The following MOB2 variants were observed in gnomAD, a reference collection of about 807,000 sequenced individuals.
MOB2 encodes the protein MOB2 Mps One Binder homolog.
A neutral mutation model predicts 27.4 loss-of-function variants in MOB2; 14 were observed. The ratio of observed to expected loss-of-function variants is 0.51; its 90% CI spans 0.34 to 0.80. The LOEUF is 0.80. Ranked by LOEUF, MOB2 falls within the 30% of genes least tolerant of loss-of-function variation. The pLI, the probability that MOB2 is intolerant of heterozygous loss-of-function variation, is 0.01. For synonymous variants in MOB2, 167 were observed against 151.8 expected (o/e 1.10, Z -0.74); for missense variants, 304 against 354.6 (o/e 0.86, Z 1.15).
At chr11:1,475,743 C>T (rs545164774) in intron 3 of MOB2, among the ~76,000 whole-genome samples, 4 of 152,228 alleles carry the variant, frequency 2.6e-5, no homozygotes, top group Non-Finnish European at 5.9e-5. Context: ...GTACTCAACA[C>T]GCACTGTGGC....
At chr11:1,480,646 C>T (rs1185295268) in intron 2 of MOB2, 79 bp downstream of exon 2, 24 of 1,556,898 alleles carry the variant, frequency 1.5e-5, no homozygotes, top group East Asian at 2.3e-5. Flanking sequence ...GAGCACCAGC[C>T]GTGGGGGTCC....
Position 1,469,913 on chromosome 11 carries a change from G to C in MOB2, c.*259C>G. The stretch of plus-strand genomic sequence containing the variant: ...CCACAGAAGAAAACTCAAAGCATCA[G>C]TCCCATGCGTGTCTGCTGAACGAGT... On this transcript the variant is annotated 3_prime_UTR_variant, in exon 5 of 5. Transcript: ENST00000329957. 1 of 808,890 alleles carries C rather than the reference G, an allele frequency of 1.2e-6. No individual in the cohort carries two copies. The allele number at this position is 808,890 out of a possible 1,614,324, so 50.1% of individuals were successfully genotyped here. A position where few individuals can be genotyped will look rare whatever the true frequency, so the allele number is the denominator to read the frequency against.
At position 1,469,694 on chromosome 11, in the gene MOB2, G is replaced by C. The variant is rs1026632842; in HGVS notation, c.*478C>G. The C allele has an allele frequency of 4.4e-6, 2 of 458,276 alleles. No individual in the cohort carries two copies. The highest frequency in any genetic ancestry group is 4.7e-5 in the Admixed American group (2 of 42,620). 28.4% of individuals were successfully genotyped at this position (458,276 alleles called of 1,614,324 possible). A position where few individuals can be genotyped will look rare whatever the true frequency, so the allele number is the denominator to read the frequency against. ...CTCCCCCACCTCTGAGCTGCCAACA[G>C]CCAAGACTCCTGGCGAGGCCGGGAG... On this transcript the variant is annotated 3_prime_UTR_variant, in exon 5 of 5. Coordinates refer to ENST00000329957, the MANE Select transcript of MOB2 (RefSeq NM_001172223.3).
chr11:1,480,373 T>C lies in MOB2; in HGVS notation c.365+20A>G, dbSNP rs1031136185. Reference sequence around the variant, plus strand: ...CCGAGTCTCCCAAGAGAAAGTGGGCTGTAGCCAGGCAGCACTCACGTGTTG... The same window carrying C: ...CCGAGTCTCCCAAGAGAAAGTGGGCCGTAGCCAGGCAGCACTCACGTGTTG... On this transcript the variant is annotated intron_variant, in intron 3 of 4. Transcript: ENST00000329957. 2 of 1,611,000 alleles carry C rather than the reference T, an allele frequency of 1.2e-6. No individual in the cohort carries two copies. The highest frequency in any genetic ancestry group is 1.7e-5 in the Admixed American group (1 of 59,944).
At chr11:1,485,192 C>T (rs1006820995) in intron 1 of MOB2, among the ~76,000 whole-genome samples, 4 of 152,214 alleles carry the variant, frequency 2.6e-5, no homozygotes, top group African/African-American at 4.8e-5. Context: ...GAAGGGACTC[C>T]GCCCGTCTTC....
chr11:1,479,677 C>T (rs1318213694), intron 3 of MOB2, among the ~76,000 whole-genome samples: 1 of 152,238 alleles, frequency 6.6e-6, no homozygotes, highest in African/African-American at 2.4e-5. Flanking sequence ...GGCAGGATGA[C>T]TTTCAGGACG....
At chr11:1,475,492 G>A (rs1456269586) in intron 3 of MOB2, among the ~76,000 whole-genome samples, 3 of 152,194 alleles carry the variant, frequency 2.0e-5, no homozygotes, top group Non-Finnish European at 4.4e-5. Flanking sequence ...GACTGAGATA[G>A]GGTCTCGCTG....
chr11:1,486,765 T>G lies in MOB2; in HGVS notation c.-209A>C. ...CTGAATTGGCCTTTTCCAAGTGGCA[T>G]GGCTGCCAGAAGAGGCGGTGGGGGT... On this transcript the variant is annotated 5_prime_UTR_variant, in exon 1 of 5. It removes an upstream start codon present in the reference 5' UTR. Coordinates refer to ENST00000329957, the MANE Select transcript of MOB2 (RefSeq NM_001172223.3). 4.6e-5 allele frequency: 21 copies of G among 455,882 alleles called. No individual in the cohort carries two copies. Among genetic ancestry groups the G allele is most frequent in the East Asian group, 1.7e-4 (4 of 23,278 alleles). 28.2% of individuals were successfully genotyped at this position (455,882 alleles called of 1,614,324 possible). A position where few individuals can be genotyped will look rare whatever the true frequency, so the allele number is the denominator to read the frequency against.
At chr11:1,483,547 T>G (rs1285875096) in intron 1 of MOB2, among the ~76,000 whole-genome samples, 1 of 152,194 alleles carries the variant, frequency 6.6e-6, no homozygotes, top group Non-Finnish European at 1.5e-5. Context: ...ACCTCCTTCC[T>G]GCCTCCCACA....
At chr11:1,474,525 A>G (rs192932688) in intron 3 of MOB2, among the ~76,000 whole-genome samples, 1 of 152,374 alleles carries the variant, frequency 6.6e-6, no homozygotes, top group Admixed American at 6.5e-5. Context: ...TTTGACACAA[A>G]TGACTGCTTT....
intron 2 of MOB2, 63 bp from the exon 3 acceptor site, chr11:1,480,549 C>A: frequency 1.3e-6 from 2 of 1,574,504 alleles, no homozygotes; most frequent in Non-Finnish European, 1.7e-6. Context: ...CCGTCCACCC[C>A]TGCTTCCAGC....
At chr11:1,471,571 G>A in intron 3 of MOB2, 152 bp from the exon 4 acceptor site, 1 of 847,908 alleles carries the variant, frequency 1.2e-6, no homozygotes, top group Non-Finnish European at 1.8e-6. Context: ...CATGCACACT[G>A]TCCCCACACA....
chr11:1,471,184 C>T (rs1461478331), intron 4 of MOB2, 111 bp downstream of exon 4: 5 of 1,406,506 alleles, frequency 3.6e-6, no homozygotes, highest in Non-Finnish European at 2.9e-6. Flanking sequence ...GCAGCTGCCG[C>T]CCTCCGTGCC....
rs373892833 is a variant in MOB2, at chr11:1,471,271, C to T, written c.490+24G>A. 1.3e-4 allele frequency: 212 copies of T among 1,601,332 alleles called. No individual in the cohort carries two copies. In the Middle Eastern group the frequency reaches 1.3e-3, roughly 10 times the overall value. On this transcript the variant is annotated intron_variant, in intron 4 of 4. Transcript: ENST00000329957. ...CTCCCTGCCCCACTGTGAGGATGACCGCCCAGTGCTGGGGGAGACGAACCG... is the reference window on the plus strand; with the variant it reads ...CTCCCTGCCCCACTGTGAGGATGACTGCCCAGTGCTGGGGGAGACGAACCG...
intron 1 of MOB2, among the ~76,000 whole-genome samples, chr11:1,483,758 G>A (rs1314584011): frequency 6.6e-6 from 1 of 152,236 alleles, no homozygotes; most frequent in Non-Finnish European, 1.5e-5. Flanking sequence ...CCCATGACGT[G>A]CCAGTCGGCC....
chr11:1,478,419 G>A (rs1326408394), intron 3 of MOB2, among the ~76,000 whole-genome samples: 1 of 152,262 alleles, frequency 6.6e-6, no homozygotes. Context: ...AGTGACTTTG[G>A]ACACTGACTG....
In MOB2 at chr11:1,480,018, G is replaced by A. The variant is rs573941896; in HGVS notation, c.365+375C>T. On this transcript the variant is annotated intron_variant, in intron 3 of 4. Coordinates refer to ENST00000329957, the MANE Select transcript of MOB2 (RefSeq NM_001172223.3). ...CTGAGCCCCCATGAAATGAATGGCC[G>A]AGCAAGGACCTGTGGCCTGCCCAGC... Among the ~76,000 whole-genome samples, 6 of 152,350 alleles carry A rather than the reference G, an allele frequency of 3.9e-5. No homozygotes were observed. In the South Asian group the frequency reaches 6.2e-4, roughly 16 times the overall value.
rs1847900482 is a variant in MOB2, at chr11:1,480,613, T to C, written c.271+112A>G. 2.0e-6 allele frequency: 3 copies of C among 1,524,162 alleles called. No individual in the cohort carries two copies. In the East Asian group the frequency reaches 6.8e-5, roughly 35 times the overall value. 94.4% of individuals were successfully genotyped at this position (1,524,162 alleles called of 1,614,324 possible). A position where few individuals can be genotyped will look rare whatever the true frequency, so the allele number is the denominator to read the frequency against. On this transcript the variant is annotated intron_variant, in intron 2 of 4. Coordinates refer to ENST00000329957, the MANE Select transcript of MOB2 (RefSeq NM_001172223.3). Reference sequence around the variant, plus strand: ...CTCTGCCCGTCCACGGGCCACATTCTCCCCTCGCGGCAGGGGGCTGCTGAG... The same window carrying C: ...CTCTGCCCGTCCACGGGCCACATTCCCCCCTCGCGGCAGGGGGCTGCTGAG...
chr11:1,471,054 C>T (rs1845595128), intron 4 of MOB2, among the ~76,000 whole-genome samples: 1 of 152,238 alleles, frequency 6.6e-6, no homozygotes, highest in Admixed American at 6.5e-5. Context: ...CCAGTGCAGC[C>T]GCATGGCCCA....
Sources: allele counts gnomAD v4.1 joint callset (sites outside exome capture counted in the v4.1 genomes callset), GRCh38; gene constraint gnomAD v4.1.1; transcripts MANE v1.5; gene names NCBI Gene and HGNC (gene_info 2026-07-23, HGNC 2026-07-21).